Variants in SIDT1 observed in about 807,000 individuals in gnomAD.
The protein encoded by SIDT1 is SID1 transmembrane family, member 1.
In SIDT1, 101 loss-of-function variants were observed where a neutral mutation model predicts 107.5. That is an observed-to-expected ratio of 0.94 (90% CI 0.80 to 1.11). The LOEUF (loss-of-function observed/expected upper bound fraction) is 1.11. Among genes scored for constraint, SIDT1 ranks in the 50% least tolerant of loss-of-function variants. The pLI is 0.00. For missense variants in SIDT1, 1,076 were observed against 1,058.2 expected, an observed-to-expected ratio of 1.02 and a Z score of -0.23; for synonymous variants, 395 against 398.2, an observed-to-expected ratio of 0.99 and a Z score of 0.10.
At chr3:113,543,916 T>A (rs1208764009) in intron 1 of SIDT1, among the ~76,000 whole-genome samples, 1 of 152,228 alleles carries the variant, frequency 6.6e-6, no homozygotes, top group East Asian at 1.9e-4. Context: ...CTTTTGTCCC[T>A]AAGTACTTCA....
intron 1 of SIDT1, among the ~76,000 whole-genome samples, chr3:113,539,887 C>G (rs970110657): frequency 6.6e-6 from 1 of 151,954 alleles, no homozygotes; most frequent in Non-Finnish European, 1.5e-5. Context: ...GCCTGTAATC[C>G]CAGCTATTCA....
At chr3:113,566,232 A>G (rs1941891192) in intron 1 of SIDT1, among the ~76,000 whole-genome samples, 188 bp from the exon 2 acceptor site, 2 of 152,216 alleles carry the variant, frequency 1.3e-5, no homozygotes. Flanking sequence ...ATGAATGAGG[A>G]GAAACAACTG....
chr3:113,557,079 A>G (rs1201014796), intron 1 of SIDT1, among the ~76,000 whole-genome samples: 1 of 152,114 alleles, frequency 6.6e-6, no homozygotes, highest in African/African-American at 2.4e-5. Context: ...AAGTGCTGGA[A>G]TTACAGGCGT....
intron 1 of SIDT1, among the ~76,000 whole-genome samples, chr3:113,552,542 TA>T (rs1482111427): frequency 1.5e-4 from 23 of 152,166 alleles, no homozygotes; most frequent in African/African-American, 5.6e-4. Context: ...AAAAGTAAGT[TA>T]CTGGGCTCAG....
At chr3:113,597,174 A>G (rs1292682713) in intron 10 of SIDT1, among the ~76,000 whole-genome samples, 1 of 152,134 alleles carries the variant, frequency 6.6e-6, no homozygotes, top group East Asian at 1.9e-4. Context: ...ACGTGACACT[A>G]AGTTGGGATA....
intron 1 of SIDT1, among the ~76,000 whole-genome samples, chr3:113,554,089 C>A (rs922521598): frequency 3.3e-5 from 5 of 152,010 alleles, no homozygotes; most frequent in African/African-American, 9.7e-5. Flanking sequence ...AACTGAGGAA[C>A]CTGGAGAGAC....
At chr3:113,620,566 G>A (rs937119623) in intron 21 of SIDT1, among the ~76,000 whole-genome samples, 7 of 152,118 alleles carry the variant, frequency 4.6e-5, no homozygotes, top group Non-Finnish European at 5.9e-5. Flanking sequence ...TGCCTTCAGA[G>A]GAGGCCAGAA....
intron 17 of SIDT1, among the ~76,000 whole-genome samples, 184 bp from the exon 18 acceptor site, chr3:113,610,824 G>A (rs955714802): frequency 2.0e-5 from 3 of 152,270 alleles, no homozygotes; most frequent in Admixed American, 1.3e-4. Context: ...AGTGGAGTAC[G>A]TGCGGTCTCC....
downstream of SIDT1, among the ~76,000 whole-genome samples, chr3:113,634,431 TGGATCACTTGAGGGC>T (rs767066675): frequency 7.5e-4 from 114 of 152,084 alleles, no homozygotes; most frequent in Middle Eastern, 3.4e-3. Context: ...TCAAGGCGGG[TGGATCACTTGAGGGC>T]AGGAGTTCAA....
chr3:113,538,223 A>C (rs1350772346), intron 1 of SIDT1, among the ~76,000 whole-genome samples: 2 of 152,264 alleles, frequency 1.3e-5, no homozygotes, highest in Non-Finnish European at 2.9e-5. Context: ...ACAAACATTC[A>C]ATCCGTAGCA....
chr3:113,625,489 G>A (rs945487960), intron 23 of SIDT1, among the ~76,000 whole-genome samples: 1 of 152,040 alleles, frequency 6.6e-6, no homozygotes, highest in Non-Finnish European at 1.5e-5. Context: ...TCTCCACAGT[G>A]GCTGTACTAA....
At position 113,556,821 on chromosome 3, in the gene SIDT1, C is replaced by CTTTTTTTTTTTT. The variant is rs61672960; in HGVS notation, c.223-9594_223-9583dup. Among the ~76,000 whole-genome samples, 340 of 107,508 alleles carry CTTTTTTTTTTTT rather than the reference C, an allele frequency of 3.2e-3. 11 individuals are homozygous for CTTTTTTTTTTTT. The highest frequency in any genetic ancestry group is 4.0e-3 in the Non-Finnish European group (223 of 55,072). The allele number at this position is 107,508 out of a possible 152,430, so 70.5% of individuals were successfully genotyped here. On this transcript the variant is annotated intron_variant, in intron 1 of 24. Coordinates refer to ENST00000264852, the MANE Select transcript of SIDT1 (RefSeq NM_017699.3). ...ATTGGTATGCCCTAAGTTTCTTTTT[C>CTTTTTTTTTTTT]TTTTTTTTTTTTTTTTGAAATAGAG...
intron 19 of SIDT1, chr3:113,615,130 A>T: frequency 6.5e-7 from 1 of 1,529,562 alleles, no homozygotes. Flanking sequence ...TATCAAAGTG[A>T]TCCACCTGGC....
chr3:113,620,835 C>T (rs1403732661), intron 21 of SIDT1, among the ~76,000 whole-genome samples: 1 of 152,158 alleles, frequency 6.6e-6, no homozygotes, highest in Non-Finnish European at 1.5e-5. Context: ...TTGATAATGA[C>T]CAACCTTTGA....
In SIDT1 at chr3:113,607,973, C is replaced by T. The variant is rs11927302; in HGVS notation, c.1479-121C>T. 3.2e-3 allele frequency: 3,680 copies of T among 1,165,248 alleles called. 93 individuals are homozygous for T. In the African/African-American group the frequency reaches 0.049, roughly 16 times the overall value. The allele number at this position is 1,165,248 out of a possible 1,614,324, so 72.2% of individuals were successfully genotyped here. ...TCTAATACTTTTCTGATCTTGAAAC[C>T]TTATGGAAAGGTTAATGGAAAACAT... On this transcript the variant is annotated intron_variant, in intron 15 of 24. Coordinates refer to ENST00000264852, the MANE Select transcript of SIDT1 (RefSeq NM_017699.3).
At chr3:113,559,189 CT>C (rs1941185513) in intron 1 of SIDT1, among the ~76,000 whole-genome samples, 1 of 152,160 alleles carries the variant, frequency 6.6e-6, no homozygotes, top group Non-Finnish European at 1.5e-5. Context: ...CAAGAATTTT[CT>C]TGTGCCTAAA....
At chr3:113,566,374 G>A (rs775101970) in intron 1 of SIDT1, 46 bp from the exon 2 acceptor site, 14 of 1,590,158 alleles carry the variant, frequency 8.8e-6, no homozygotes, top group Non-Finnish European at 1.7e-6. Context: ...GTTTGCATGT[G>A]TGCATGTGCA....
In SIDT1 at chr3:113,623,220, A is replaced by T. The variant is rs113761383; in HGVS notation, c.2091-207A>T. ...AAAAAAAAAAAAAAAAAAAAAAAAAAAGATACTTATATGTTAAAGTATTTT... is the reference window on the plus strand; with the variant it reads ...AAAAAAAAAAAAAAAAAAAAAAAAATAGATACTTATATGTTAAAGTATTTT... On this transcript the variant is annotated intron_variant, in intron 21 of 24. Transcript: ENST00000264852. Among the ~76,000 whole-genome samples, 491 of 138,590 alleles carry T rather than the reference A, an allele frequency of 3.5e-3. 5 individuals carry two copies. The highest frequency in any genetic ancestry group is 0.012 in the African/African-American group (456 of 37,700). The allele number at this position is 138,590 out of a possible 152,430, so 90.9% of individuals were successfully genotyped here.
At chr3:113,585,709 C>T (rs1481523786) in intron 9 of SIDT1, among the ~76,000 whole-genome samples, 1 of 152,116 alleles carries the variant, frequency 6.6e-6, no homozygotes, top group African/African-American at 2.4e-5. Context: ...TGAGGTGCAA[C>T]AAAGAGCAGG....
Sources: gnomAD v4.1 joint callset for allele counts (sites outside exome capture counted in the v4.1 genomes callset) on GRCh38, gnomAD v4.1.1 for gene constraint, MANE v1.5 for transcripts, NCBI Gene and HGNC (gene_info 2026-07-23, HGNC 2026-07-21) for gene names.